Variants in SLC17A1 observed in about 807,000 individuals in gnomAD.
The protein encoded by SLC17A1 is sodium-dependent phosphate transport protein 1.
In SLC17A1, 51 loss-of-function variants were observed where a neutral mutation model predicts 53.5. The observed-to-expected ratio is 0.95, with a 90% CI of 0.76 to 1.20. The LOEUF is 1.20. Ranked by LOEUF, SLC17A1 falls within the 50% of genes most tolerant of loss-of-function variation. The probability of loss-of-function intolerance (pLI) is 0.00; values close to 1 mark genes in which losing one functional copy is unlikely to be tolerated. For synonymous variants in SLC17A1, 179 were observed against 198.8 expected (o/e 0.90, Z 0.84); for missense variants, 538 against 568.2 (o/e 0.95, Z 0.54).
At position 25,811,726 on chromosome 6, in the gene SLC17A1, A is replaced by G; in HGVS notation, c.942T>C (p.Cys314=). The G allele has an allele frequency of 6.2e-7, 1 of 1,613,842 alleles. No homozygotes were observed. The highest frequency in any genetic ancestry group is 8.5e-7 in the Non-Finnish European group (1 of 1,179,766). ...SSLPYLFAWI[C]GNLAGQLSDF... The stretch of plus-strand genomic sequence containing the variant: ...CTGATAACTGACCTGCTAGGTTACC[A>G]CAGATCCAGGCAAACAAATAGGGAA... Residue 314 remains cysteine (C), a synonymous_variant, in exon 9 of 13, where the codon TGT becomes TGC. Transcript: ENST00000244527.
At chr6:25,735,343 A>T in the SLC17A1 span, among the ~76,000 whole-genome samples, 40 of 152,364 alleles carry the variant, frequency 2.6e-4, 1 homozygote, top group African/African-American at 9.6e-4. Context: ...TTGGTGTTAA[A>T]GCCCAGAAGG....
downstream of SLC17A1, among the ~76,000 whole-genome samples, chr6:25,782,587 A>G (rs762930739): frequency 8.5e-5 from 13 of 152,050 alleles, no homozygotes; most frequent in Non-Finnish European, 1.8e-4. Context: ...AGTCATCTAA[A>G]CCTATGTATT....
chr6:25,802,744 T>A (rs1318461537), intron 10 of SLC17A1, among the ~76,000 whole-genome samples: 1 of 151,980 alleles, frequency 6.6e-6, no homozygotes, highest in Non-Finnish European at 1.5e-5. Context: ...TATTATTGCT[T>A]TTTTGGAAGT....
the SLC17A1 span, among the ~76,000 whole-genome samples, chr6:25,761,308 A>G: frequency 2.0e-5 from 3 of 152,230 alleles, no homozygotes; most frequent in Non-Finnish European, 4.4e-5. Flanking sequence ...CTGACTCTAT[A>G]TTAGAATCTC....
At chr6:25,728,879 T>C in the SLC17A1 span, among the ~76,000 whole-genome samples, 5 of 152,224 alleles carry the variant, frequency 3.3e-5, no homozygotes, top group Non-Finnish European at 7.3e-5. Context: ...CCCACACTTT[T>C]GTGAACAGTA....
At chr6:25,780,868 G>A (rs1420859257), downstream of SLC17A1, 2 of 152,136 alleles carry the variant, frequency 1.3e-5, no homozygotes, top group African/African-American at 4.8e-5. Context: ...AGTGAAAGAT[G>A]TCCAGAGTAA....
rs2151493031 is a variant in SLC17A1, at chr6:25,813,135, A to T, written c.695T>A (p.Ile232Asn). Reference protein sequence around the residue: ...DDPKDHPCISISEKEYITSSL... With the variant: ...DDPKDHPCISNSEKEYITSSL... ...GGATGTGATGTATTCCTTTTCACTG[A>T]TGCTTATACATGGGTGGTCTTTGGG... Residue 232 changes from isoleucine (I) to asparagine (N), a missense_variant, in exon 7 of 13, where the codon ATC becomes AAC. Coordinates refer to ENST00000244527, the MANE Select transcript of SLC17A1 (RefSeq NM_005074.5). The T allele has an allele frequency of 1.2e-6, 2 of 1,614,142 alleles. No individual in the cohort carries two copies. The highest frequency in any genetic ancestry group is 4.5e-5 in the East Asian group (2 of 44,876).
At chr6:25,758,774 GT>G in the SLC17A1 span, among the ~76,000 whole-genome samples, 1 of 145,532 alleles carries the variant, frequency 6.9e-6, no homozygotes, top group African/African-American at 2.7e-5. Flanking sequence ...TGTATTTTTT[GT>G]TTGTTTGTTT....
the SLC17A1 span, chr6:25,776,996 A>G: frequency 6.4e-7 from 1 of 1,570,686 alleles, no homozygotes; most frequent in Non-Finnish European, 8.6e-7. Context: ...TCAGACACTC[A>G]ATTCAAGTCT....
chr6:25,727,355 A>G, the SLC17A1 span: 1 of 1,442,044 alleles, frequency 6.9e-7, no homozygotes, highest in Non-Finnish European at 9.3e-7. Flanking sequence ...AAACATACTG[A>G]AACAGCTGTG....
intron 12 of SLC17A1, among the ~76,000 whole-genome samples, chr6:25,785,981 C>T (rs957896430): frequency 1.3e-5 from 2 of 152,166 alleles, no homozygotes; most frequent in African/African-American, 2.4e-5. Context: ...GTATATACCC[C>T]ACAAAATTGA....
downstream of SLC17A1, chr6:25,779,224 T>A: frequency 6.2e-7 from 1 of 1,609,432 alleles, no homozygotes; most frequent in Non-Finnish European, 8.5e-7. Context: ...TGGTGCTTAG[T>A]TCATCATTGT....
intron 10 of SLC17A1, among the ~76,000 whole-genome samples, chr6:25,801,585 T>C (rs750174777): frequency 2.1e-4 from 32 of 152,350 alleles, no homozygotes; most frequent in Non-Finnish European, 4.3e-4. Flanking sequence ...CAGTGTCTAA[T>C]CAAGAAATGA....
chr6:25,747,074 C>T, the SLC17A1 span, among the ~76,000 whole-genome samples: 2 of 152,126 alleles, frequency 1.3e-5, no homozygotes, highest in Non-Finnish European at 2.9e-5. Context: ...ACAATATCAC[C>T]AACAGAGAAA....
the SLC17A1 span, among the ~76,000 whole-genome samples, chr6:25,737,792 C>T: frequency 0.033 from 4,980 of 152,180 alleles, 221 homozygotes; most frequent in African/African-American, 0.094. Flanking sequence ...GTCTTCTCTA[C>T]GATTGTTACG....
chr6:25,726,434 G>A, the SLC17A1 span: 17 of 1,614,094 alleles, frequency 1.1e-5, 1 homozygote, highest in South Asian at 3.3e-5. Context: ...AGCAGACGAT[G>A]GATCCGGCCT....
At chr6:25,730,351 C>T in the SLC17A1 span, among the ~76,000 whole-genome samples, 187 of 152,222 alleles carry the variant, frequency 1.2e-3, no homozygotes, top group African/African-American at 3.5e-3. Context: ...AGAATTCTGT[C>T]ATTGGCAGCA....
chr6:25,806,144 CA>C (rs1763946078), intron 10 of SLC17A1, among the ~76,000 whole-genome samples: 1 of 151,962 alleles, frequency 6.6e-6, no homozygotes, highest in African/African-American at 2.4e-5. Flanking sequence ...TCTAGCTAAC[CA>C]AATCCAGCAG....
At chr6:25,814,990 A>ACAC (rs1554130874) in intron 6 of SLC17A1, among the ~76,000 whole-genome samples, 13 of 51,574 alleles carry the variant, frequency 2.5e-4, no homozygotes, top group African/African-American at 7.3e-4. Flanking sequence ...CTGTCACACA[A>ACAC]ACACACACAC....
Sources: gnomAD v4.1 joint callset for allele counts (sites outside exome capture counted in the v4.1 genomes callset) on GRCh38, gnomAD v4.1.1 for gene constraint, MANE v1.5 for transcripts, NCBI Gene and HGNC (gene_info 2026-07-23, HGNC 2026-07-21) for gene names.